The following MDGA2 variants were observed in gnomAD, a reference collection of about 807,000 sequenced individuals.
MDGA2 encodes MAM domain-containing glycosylphosphatidylinositol anchor protein 2.
In MDGA2, 40 loss-of-function variants were observed where a neutral mutation model predicts 117.8. The observed-to-expected ratio is 0.34, with a 90% CI of 0.26 to 0.44. The LOEUF (loss-of-function observed/expected upper bound fraction) is 0.44. Ranked by LOEUF, MDGA2 falls within the 20% of genes least tolerant of loss-of-function variation. The pLI is 1.00. For missense variants in MDGA2, 1,123 were observed against 1,250.6 expected (o/e 0.90, Z 1.54); for synonymous variants, 452 against 439.0 (o/e 1.03, Z -0.37).
intron 1 of MDGA2, among the ~76,000 whole-genome samples, chr14:47,442,743 G>A (rs904162601): frequency 3.9e-5 from 6 of 152,002 alleles, no homozygotes; most frequent in Admixed American, 6.6e-5. Flanking sequence ...TCGAGCCCCC[G>A]CTTATCCAAA....
chr14:47,395,102 C>A (rs1245220995), intron 1 of MDGA2, among the ~76,000 whole-genome samples: 1 of 152,136 alleles, frequency 6.6e-6, no homozygotes, highest in Non-Finnish European at 1.5e-5. Context: ...ATGCAGTGAG[C>A]TATAATTGTG....
chr14:46,950,817 A>G (rs1232658922), intron 9 of MDGA2, among the ~76,000 whole-genome samples: 1 of 150,522 alleles, frequency 6.6e-6, no homozygotes, highest in African/African-American at 2.5e-5. Flanking sequence ...AAATAAGTAA[A>G]TAAAAACATT....
chr14:47,355,109 G>T (rs1308615866), intron 1 of MDGA2, among the ~76,000 whole-genome samples: 1 of 152,196 alleles, frequency 6.6e-6, no homozygotes, highest in African/African-American at 2.4e-5. Flanking sequence ...TTTGTGGGGA[G>T]CATGCAGGGC....
intron 1 of MDGA2, among the ~76,000 whole-genome samples, chr14:47,400,180 C>T (rs1226754171): frequency 6.6e-6 from 1 of 152,090 alleles, no homozygotes; most frequent in Non-Finnish European, 1.5e-5. Context: ...TATGATTTTT[C>T]TTGTTTCCTT....
In MDGA2 at chr14:47,227,941, C is replaced by T. The variant is rs527807931; in HGVS notation, c.421-9746G>A. ...ATTAGTATTTGTAGTTCAGGCCTTTCCCTTGAATCCCAGACTTTTAGCCAC... is the reference window on the plus strand; with the variant it reads ...ATTAGTATTTGTAGTTCAGGCCTTTTCCTTGAATCCCAGACTTTTAGCCAC... On this transcript the variant is annotated intron_variant, in intron 2 of 16. Coordinates refer to ENST00000399232, the MANE Select transcript of MDGA2 (RefSeq NM_001113498.3). 1.1e-4 allele frequency among the ~76,000 whole-genome samples: 17 copies of T among 152,184 alleles called. No individual in the cohort carries two copies. The South Asian group carries it at 3.3e-3, about 30-fold the overall frequency.
chr14:46,899,250 T>A (rs918313548), intron 10 of MDGA2, among the ~76,000 whole-genome samples: 6 of 152,046 alleles, frequency 3.9e-5, no homozygotes, highest in African/African-American at 1.4e-4. Context: ...GTGTTTTCTC[T>A]CCTCCCCACC....
chr14:47,191,700 A>AT (rs1416193474), intron 3 of MDGA2, among the ~76,000 whole-genome samples: 4 of 152,046 alleles, frequency 2.6e-5, no homozygotes, highest in East Asian at 3.9e-4. Flanking sequence ...TTTTCTACCC[A>AT]TTTTTTCATC....
chr14:47,168,062 T>C (rs1196259637), intron 3 of MDGA2, among the ~76,000 whole-genome samples: 2 of 152,146 alleles, frequency 1.3e-5, no homozygotes, highest in Non-Finnish European at 2.9e-5. Context: ...TAGACATCTG[T>C]TACAGAAAAC....
At chr14:46,981,180 C>T (rs952546969) in intron 8 of MDGA2, among the ~76,000 whole-genome samples, 1 of 132,028 alleles carries the variant, frequency 7.6e-6, no homozygotes, top group African/African-American at 2.9e-5. Flanking sequence ...AAGGGGGGGG[C>T]GGATCATGAG....
rs892386591 is a variant in MDGA2, at chr14:47,189,094, G to C, written c.595+28927C>G. Among the ~76,000 whole-genome samples the C allele has an allele frequency of 6.6e-5, 10 of 152,120 alleles. 1 individual carries two copies. The highest frequency in any genetic ancestry group is 2.4e-4 in the African/African-American group (10 of 41,422). ...TGAGGTATTTTTCAGTTAAAAACAA[G>C]AAGACAGAAGAGCCAACAGCTCTGG... On this transcript the variant is annotated intron_variant, in intron 3 of 16. Transcript: ENST00000399232.
At chr14:47,242,475 T>C (rs1257044579) in intron 2 of MDGA2, among the ~76,000 whole-genome samples, 4 of 151,888 alleles carry the variant, frequency 2.6e-5, no homozygotes, top group African/African-American at 4.8e-5. Context: ...GGGCTGCGTG[T>C]GGCGCTTGCG....
chr14:46,965,986 T>TTACAA (rs1555339032), intron 8 of MDGA2, among the ~76,000 whole-genome samples: 1 of 151,886 alleles, frequency 6.6e-6, no homozygotes, highest in African/African-American at 2.4e-5. Flanking sequence ...TATATGACTC[T>TTACAA]TATATTATTA....
chr14:46,944,744 T>C (rs1004038819), intron 9 of MDGA2, among the ~76,000 whole-genome samples: 2 of 152,022 alleles, frequency 1.3e-5, no homozygotes, highest in African/African-American at 4.8e-5. Flanking sequence ...AGAATTTTTC[T>C]TTCAATTATT....
intron 3 of MDGA2, among the ~76,000 whole-genome samples, chr14:47,217,220 G>A (rs17118182): frequency 0.069 from 10,565 of 152,044 alleles, 419 homozygotes; most frequent in African/African-American, 0.07. Flanking sequence ...TGTTGCTTAT[G>A]TCTAAATTAC....
chr14:47,133,580 C>T (rs1184211280), intron 4 of MDGA2, among the ~76,000 whole-genome samples: 1 of 151,912 alleles, frequency 6.6e-6, no homozygotes, highest in Non-Finnish European at 1.5e-5. Flanking sequence ...TCTTGCCCCA[C>T]TCCCAAGTCT....
At chr14:46,969,958 ATATATATATATATATATATG>A (rs1376472954) in intron 8 of MDGA2, among the ~76,000 whole-genome samples, 1 of 48,996 alleles carries the variant, frequency 2.0e-5, no homozygotes, top group Non-Finnish European at 5.0e-5. Flanking sequence ...ATATATATAT[ATATATATATATATATATATG>A]GAATAAATTT....
chr14:47,353,570 C>T lies in MDGA2; in HGVS notation c.281-52020G>A, dbSNP rs111776482. The stretch of plus-strand genomic sequence containing the variant: ...GTGATTAAGTTAAAACGAGATTGTA[C>T]GAAGGAATCTGAATCCAATCTGCCT... On this transcript the variant is annotated intron_variant, in intron 1 of 16. Coordinates refer to ENST00000399232, the MANE Select transcript of MDGA2 (RefSeq NM_001113498.3). Among the ~76,000 whole-genome samples, 113 of 152,166 alleles carry T rather than the reference C, an allele frequency of 7.4e-4. 1 individual carries two copies. The highest frequency in any genetic ancestry group is 1.9e-3 in the African/African-American group (80 of 41,496).
At chr14:47,169,153 GC>G (rs1228317308) in intron 3 of MDGA2, among the ~76,000 whole-genome samples, 4 of 152,050 alleles carry the variant, frequency 2.6e-5, no homozygotes, top group Non-Finnish European at 4.4e-5. Flanking sequence ...AAGCCACTTT[GC>G]TTTATTTACA....
At chr14:47,508,108 A>C (rs1267514882) in intron 1 of MDGA2, among the ~76,000 whole-genome samples, 2 of 152,234 alleles carry the variant, frequency 1.3e-5, no homozygotes, top group Non-Finnish European at 2.9e-5. Flanking sequence ...TCTATGGAAG[A>C]CTTCCAACAT....
Sources: allele counts gnomAD v4.1 joint callset (sites outside exome capture counted in the v4.1 genomes callset), GRCh38; gene constraint gnomAD v4.1.1; transcripts MANE v1.5; gene names NCBI Gene and HGNC (gene_info 2026-07-23, HGNC 2026-07-21).